Variants in CNTNAP2 observed in about 807,000 individuals in gnomAD.
CNTNAP2 encodes contactin associated protein 2, also known as contactin-associated protein-like 2.
CNTNAP2 carries 98 observed loss-of-function variants against 155.2 expected under a neutral mutation model. The observed-to-expected ratio is 0.63, with a 90% CI of 0.54 to 0.75. The LOEUF is 0.75. Among genes scored for constraint, CNTNAP2 ranks in the 30% least tolerant of loss-of-function variants. The probability of loss-of-function intolerance (pLI) is 0.00; values close to 1 mark genes in which losing one functional copy is unlikely to be tolerated. For synonymous variants in CNTNAP2, 651 were observed against 631.2 expected (o/e 1.03, Z -0.47); for missense variants, 1,727 against 1,688.1 (o/e 1.02, Z -0.40).
chr7:146,753,663 T>A (rs1437654170), intron 1 of CNTNAP2, among the ~76,000 whole-genome samples: 2 of 152,086 alleles, frequency 1.3e-5, no homozygotes, highest in Non-Finnish European at 2.9e-5. Flanking sequence ...ATAGATTTAT[T>A]TTTAAATTAT....
At chr7:146,366,720 A>G (rs759582054) in intron 1 of CNTNAP2, among the ~76,000 whole-genome samples, 4 of 152,136 alleles carry the variant, frequency 2.6e-5, no homozygotes, top group Non-Finnish European at 5.9e-5. Context: ...TAAAGTCCGA[A>G]CTGATCTTCA....
At chr7:147,945,727 A>T (rs897499224) in intron 14 of CNTNAP2, among the ~76,000 whole-genome samples, 1 of 151,806 alleles carries the variant, frequency 6.6e-6, no homozygotes, top group African/African-American at 2.4e-5. Context: ...AAACATGCTC[A>T]GACTCCAGAA....
intron 1 of CNTNAP2, among the ~76,000 whole-genome samples, chr7:146,152,486 A>G (rs1284058968): frequency 6.6e-6 from 1 of 152,078 alleles, no homozygotes; most frequent in African/African-American, 2.4e-5. Context: ...AATATATTGC[A>G]TTCTTGAAAA....
intron 1 of CNTNAP2, among the ~76,000 whole-genome samples, chr7:146,758,064 T>C (rs1442840872): frequency 2.6e-5 from 4 of 152,192 alleles, no homozygotes; most frequent in Non-Finnish European, 5.9e-5. Context: ...TTCTGTAATA[T>C]CTCCATTCAG....
chr7:148,414,109 C>A (rs1317373583), intron 23 of CNTNAP2, among the ~76,000 whole-genome samples: 3 of 143,054 alleles, frequency 2.1e-5, no homozygotes, highest in South Asian at 2.3e-4. Context: ...TCCCCCCCCC[C>A]CCCCTCACAC....
At position 147,539,196 on chromosome 7, in the gene CNTNAP2, T is replaced by G. The variant is rs79299985; in HGVS notation, c.1778-22942T>G. ...ATTTATCTTTAGTATTCTCCATATCTCTTTCATTTCCAGAGTAATGGTCCT... is the reference window on the plus strand; with the variant it reads ...ATTTATCTTTAGTATTCTCCATATCGCTTTCATTTCCAGAGTAATGGTCCT... On this transcript the variant is annotated intron_variant, in intron 11 of 23. Transcript: ENST00000361727. 6.2e-3 allele frequency among the ~76,000 whole-genome samples: 942 copies of G among 152,278 alleles called. 7 individuals are homozygous for G. The highest frequency in any genetic ancestry group is 0.022 in the African/African-American group (904 of 41,556).
intron 15 of CNTNAP2, among the ~76,000 whole-genome samples, chr7:148,027,033 C>T (rs17170795): frequency 0.24 from 36,161 of 152,094 alleles, 5,374 homozygotes; most frequent in East Asian, 0.48. Context: ...GAGCAGTTTC[C>T]GACCTAAGGG....
intron 3 of CNTNAP2, among the ~76,000 whole-genome samples, chr7:146,961,381 AG>A (rs2129230498): frequency 6.6e-6 from 1 of 152,330 alleles, no homozygotes; most frequent in African/African-American, 2.4e-5. Flanking sequence ...ACCTATGTGA[AG>A]CAAACAGGCA....
chr7:148,205,418 G>A (rs891728771), intron 18 of CNTNAP2, among the ~76,000 whole-genome samples: 1 of 152,220 alleles, frequency 6.6e-6, no homozygotes, highest in East Asian at 1.9e-4. Context: ...CAGAGTCACT[G>A]GATTGGAGAC....
intron 15 of CNTNAP2, among the ~76,000 whole-genome samples, chr7:148,025,672 A>G (rs1432429222): frequency 1.3e-5 from 2 of 152,142 alleles, no homozygotes; most frequent in Non-Finnish European, 2.9e-5. Flanking sequence ...TGATTATTTA[A>G]TCTCTGTTAC....
chr7:148,249,863 A>C (rs1323125967), intron 20 of CNTNAP2, among the ~76,000 whole-genome samples: 1 of 152,168 alleles, frequency 6.6e-6, no homozygotes, highest in Non-Finnish European at 1.5e-5. Context: ...CTCGGGCTCC[A>C]GACTCCATCC....
At chr7:146,361,890 A>AT (rs1179639453) in intron 1 of CNTNAP2, among the ~76,000 whole-genome samples, 1 of 152,336 alleles carries the variant, frequency 6.6e-6, no homozygotes, top group African/African-American at 2.4e-5. Context: ...TGAGATTTGT[A>AT]TTTTATCATG....
At chr7:148,200,685 A>AT (rs1222236737) in intron 18 of CNTNAP2, among the ~76,000 whole-genome samples, 1 of 152,154 alleles carries the variant, frequency 6.6e-6, no homozygotes, top group Admixed American at 6.5e-5. Flanking sequence ...CTCCGCAGTA[A>AT]TTTTTTTAAA....
chr7:147,787,842 A>G (rs571484826), intron 13 of CNTNAP2, among the ~76,000 whole-genome samples: 2 of 152,354 alleles, frequency 1.3e-5, no homozygotes, highest in South Asian at 4.1e-4. Context: ...ACAACACTTA[A>G]TGCATATGCT....
chr7:146,223,114 C>T (rs1336510584), intron 1 of CNTNAP2, among the ~76,000 whole-genome samples: 1 of 152,046 alleles, frequency 6.6e-6, no homozygotes, highest in Non-Finnish European at 1.5e-5. Flanking sequence ...AGACACAAAC[C>T]CACACACCTT....
chr7:147,442,429 A>G (rs1049289955), intron 10 of CNTNAP2, among the ~76,000 whole-genome samples: 1 of 152,080 alleles, frequency 6.6e-6, no homozygotes, highest in African/African-American at 2.4e-5. Context: ...GACCCTGGAA[A>G]TGTTTAGAAA....
intron 1 of CNTNAP2, among the ~76,000 whole-genome samples, chr7:146,561,738 T>C (rs1371421436): frequency 2.0e-5 from 3 of 152,184 alleles, no homozygotes; most frequent in African/African-American, 7.2e-5. Flanking sequence ...GAAAATGATA[T>C]GAAATTCCGG....
intron 23 of CNTNAP2, among the ~76,000 whole-genome samples, chr7:148,413,447 T>TATATATATATA (rs1563079560): frequency 5.2e-5 from 6 of 116,142 alleles, no homozygotes; most frequent in African/African-American, 1.4e-4. Context: ...TATATATATA[T>TATATATATATA]TGCTCCATAG....
intron 1 of CNTNAP2, among the ~76,000 whole-genome samples, chr7:146,351,845 T>G (rs186954769): frequency 9.0e-4 from 132 of 146,882 alleles, no homozygotes; most frequent in Non-Finnish European, 1.9e-3. Flanking sequence ...CTGTGAGGTC[T>G]GTGTTGTAAA....
Sources: allele counts gnomAD v4.1 joint callset (sites outside exome capture counted in the v4.1 genomes callset), GRCh38; gene constraint gnomAD v4.1.1; transcripts MANE v1.5; gene names NCBI Gene and HGNC (gene_info 2026-07-23, HGNC 2026-07-21).